The following OTUD7A variants were observed in gnomAD, a reference collection of about 807,000 sequenced individuals.
OTUD7A encodes the protein OTU domain-containing protein 7A.
Under a neutral mutation model 65.7 loss-of-function variants are expected in OTUD7A, and 12 were observed. The ratio of observed to expected loss-of-function variants is 0.18; its 90% CI spans 0.12 to 0.30. The LOEUF (loss-of-function observed/expected upper bound fraction) is 0.30, where lower values mean the gene tolerates loss of function less well. Among genes scored for constraint, OTUD7A ranks in the 10% least tolerant of loss-of-function variants. The pLI, the probability that OTUD7A is intolerant of heterozygous loss-of-function variation, is 1.00. For synonymous variants in OTUD7A, 641 were observed against 586.3 expected (o/e 1.09, Z -1.35); for missense variants, 1,148 against 1,304.8 (o/e 0.88, Z 1.85).
chr15:31,754,693 C>T (rs575751907), intron 1 of OTUD7A, among the ~76,000 whole-genome samples: 1 of 152,150 alleles, frequency 6.6e-6, no homozygotes, highest in African/African-American at 2.4e-5. Flanking sequence ...TCTGGGTTCT[C>T]TATTCTGTTC....
intron 3 of OTUD7A, among the ~76,000 whole-genome samples, chr15:31,638,389 T>C (rs1047542523): frequency 1.3e-5 from 2 of 150,890 alleles, no homozygotes; most frequent in Admixed American, 6.6e-5. Context: ...TTTTTTTTTT[T>C]TTTTTTTTGA....
At chr15:31,637,945 A>G (rs1386712128) in intron 3 of OTUD7A, among the ~76,000 whole-genome samples, 2 of 152,226 alleles carry the variant, frequency 1.3e-5, no homozygotes, top group African/African-American at 4.8e-5. Flanking sequence ...TGCTGTGAAC[A>G]CTGCTGAAAT....
intron 1 of OTUD7A, among the ~76,000 whole-genome samples, chr15:31,786,424 G>C (rs1203207636): frequency 6.6e-6 from 1 of 152,254 alleles, no homozygotes; most frequent in African/African-American, 2.4e-5. Context: ...AATGTGGACA[G>C]AGTGTCTCAT....
intron 1 of OTUD7A, among the ~76,000 whole-genome samples, chr15:31,795,439 T>G (rs1056114808): frequency 5.9e-5 from 9 of 152,142 alleles, no homozygotes; most frequent in African/African-American, 2.2e-4. Context: ...AGGAGTGGGT[T>G]TCTGAAACTC....
chr15:31,793,446 C>T (rs1895871363), intron 1 of OTUD7A, among the ~76,000 whole-genome samples: 1 of 152,202 alleles, frequency 6.6e-6, no homozygotes, highest in Admixed American at 6.5e-5. Context: ...TCACTGAGTC[C>T]CCCATCCCTC....
intron 5 of OTUD7A, among the ~76,000 whole-genome samples, chr15:31,552,373 A>G (rs940031824): frequency 6.6e-6 from 1 of 152,270 alleles, no homozygotes; most frequent in Non-Finnish European, 1.5e-5. Flanking sequence ...TTACTAATGA[A>G]TAATTGTAAT....
intron 5 of OTUD7A, among the ~76,000 whole-genome samples, chr15:31,535,674 G>GTTTTT (rs55826357): frequency 3.2e-4 from 36 of 112,018 alleles, no homozygotes; most frequent in East Asian, 4.9e-4. Context: ...TTCTGTTTTT[G>GTTTTT]TTTTTTTTTT....
At chr15:31,545,263 C>G (rs947076003) in intron 5 of OTUD7A, among the ~76,000 whole-genome samples, 1 of 151,944 alleles carries the variant, frequency 6.6e-6, no homozygotes, top group Admixed American at 6.6e-5. Context: ...AATGGACTTT[C>G]ATTACATAGC....
chr15:31,795,079 C>T (rs1053424919), intron 1 of OTUD7A, among the ~76,000 whole-genome samples: 3 of 152,068 alleles, frequency 2.0e-5, no homozygotes, highest in Non-Finnish European at 2.9e-5. Context: ...TGAGACTATC[C>T]TTTGAAGAAA....
chr15:31,683,711 G>A (rs950460741), intron 1 of OTUD7A, among the ~76,000 whole-genome samples: 1 of 152,098 alleles, frequency 6.6e-6, no homozygotes, highest in Non-Finnish European at 1.5e-5. Context: ...CATTATTTAT[G>A]TATTTATTTG....
At chr15:31,553,424 G>A (rs1232950463) in intron 5 of OTUD7A, among the ~76,000 whole-genome samples, 1 of 152,032 alleles carries the variant, frequency 6.6e-6, no homozygotes, top group Non-Finnish European at 1.5e-5. Flanking sequence ...GCTCACTCCG[G>A]GATCCCACGG....
At position 31,482,049 on chromosome 15, in the gene OTUD7A, G is replaced by A. The variant is rs980820940; in HGVS notation, c.*1245C>T. On this transcript the variant is annotated 3_prime_UTR_variant, in exon 13 of 13. Coordinates refer to ENST00000307050, the MANE Select transcript of OTUD7A (RefSeq NM_001382637.1). ...TCCTTGGCCAAGAACGGTGTTCTCC[G>A]GAGGTAATCTTGGAAGGAAGAGGCT... 2 of 152,248 alleles carry A rather than the reference G, an allele frequency of 1.3e-5. No individual in the cohort carries two copies. The highest frequency in any genetic ancestry group is 2.9e-5 in the Non-Finnish European group (2 of 68,048). The allele number at this position is 152,248 out of a possible 1,614,324, so 9.4% of individuals were successfully genotyped here. A position where few individuals can be genotyped will look rare whatever the true frequency, so the allele number is the denominator to read the frequency against.
At chr15:31,682,048 T>A (rs1173995614) in intron 1 of OTUD7A, among the ~76,000 whole-genome samples, 6 of 152,066 alleles carry the variant, frequency 3.9e-5, no homozygotes, top group African/African-American at 7.2e-5. Context: ...TGACATCTCA[T>A]CTGAAAACCA....
intron 5 of OTUD7A, among the ~76,000 whole-genome samples, chr15:31,551,787 G>A (rs925453444): frequency 2.0e-5 from 3 of 152,138 alleles, no homozygotes; most frequent in Non-Finnish European, 2.9e-5. Flanking sequence ...TCCCCTCTCT[G>A]GGCATCACTG....
At chr15:31,724,204 A>G (rs1893822601) in intron 1 of OTUD7A, among the ~76,000 whole-genome samples, 1 of 152,198 alleles carries the variant, frequency 6.6e-6, no homozygotes, top group Admixed American at 6.5e-5. Context: ...TTTCATTTAC[A>G]AAAACGATTT....
chr15:31,799,125 G>T (rs1484096479), intron 1 of OTUD7A, among the ~76,000 whole-genome samples: 1 of 152,198 alleles, frequency 6.6e-6, no homozygotes, highest in Non-Finnish European at 1.5e-5. Flanking sequence ...GTGGATCCTT[G>T]AACAGAGAGA....
At chr15:31,797,151 G>A (rs1895984993) in intron 1 of OTUD7A, among the ~76,000 whole-genome samples, 1 of 152,134 alleles carries the variant, frequency 6.6e-6, no homozygotes, top group African/African-American at 2.4e-5. Context: ...ATGGCACCTC[G>A]CTGGTGTCAT....
intron 1 of OTUD7A, among the ~76,000 whole-genome samples, chr15:31,859,701 C>T (rs537936498): frequency 2.0e-5 from 3 of 152,306 alleles, no homozygotes; most frequent in South Asian, 4.1e-4. Flanking sequence ...TCAATAGGGG[C>T]TTTTATAAAA....
chr15:31,560,126 G>A (rs1423187680), intron 4 of OTUD7A, among the ~76,000 whole-genome samples: 6 of 152,244 alleles, frequency 3.9e-5, no homozygotes, highest in African/African-American at 1.4e-4. Flanking sequence ...GTACAAGGGA[G>A]ACCGCTCTTT....
Sources: allele counts gnomAD v4.1 joint callset (sites outside exome capture counted in the v4.1 genomes callset), GRCh38; gene constraint gnomAD v4.1.1; transcripts MANE v1.5; gene names NCBI Gene and HGNC (gene_info 2026-07-23, HGNC 2026-07-21).